Variants in ATP2B1 observed in about 807,000 individuals in gnomAD.
ATP2B1 encodes plasma membrane calcium-transporting ATPase 1.
ATP2B1 carries 14 observed loss-of-function variants against 124.2 expected under a neutral mutation model. That is an observed-to-expected ratio of 0.11 (90% CI 0.07 to 0.18). The LOEUF is 0.18. Among genes scored for constraint, ATP2B1 ranks in the 10% least tolerant of loss-of-function variants. The pLI, the probability that ATP2B1 is intolerant of heterozygous loss-of-function variation, is 1.00. For synonymous variants in ATP2B1, 449 were observed against 492.4 expected (o/e 0.91, Z 1.17); for missense variants, 763 against 1,466.1 (o/e 0.52, Z 7.83).
rs11105357 is a variant in ATP2B1, at chr12:89,647,168, C to T, written c.209-4813G>A. 3.5e-3 allele frequency among the ~76,000 whole-genome samples: 534 copies of T among 152,282 alleles called. 26 individuals carry two copies. The East Asian group carries it at 0.093, about 27-fold the overall frequency. On this transcript the variant is annotated intron_variant, in intron 2 of 20. Coordinates refer to ENST00000428670, the MANE Select transcript of ATP2B1 (RefSeq NM_001366521.1). ...GAAAATATAATGAGAACTCTTCTGCCTAATTGGCTCAGTTAATTGTAGTGT... is the reference window on the plus strand; with the variant it reads ...GAAAATATAATGAGAACTCTTCTGCTTAATTGGCTCAGTTAATTGTAGTGT...
intron 2 of ATP2B1, among the ~76,000 whole-genome samples, chr12:89,655,333 G>A (rs1423668026): frequency 2.0e-5 from 3 of 152,178 alleles, no homozygotes; most frequent in African/African-American, 7.2e-5. Context: ...ATAGTGATCT[G>A]AGAGTTTATT....
intron 1 of ATP2B1, among the ~76,000 whole-genome samples, chr12:89,696,644 C>T (rs891354678): frequency 7.2e-5 from 11 of 152,266 alleles, no homozygotes; most frequent in Admixed American, 1.3e-4. Context: ...TGATTTGTTT[C>T]ACTTTACATT....
intron 20 of ATP2B1, chr12:89,594,766 A>G (rs1043535233): frequency 2.6e-5 from 4 of 152,016 alleles, no homozygotes; most frequent in Non-Finnish European, 5.9e-5. Context: ...TTTTCTAAAT[A>G]CCATCCTAAC....
chr12:89,627,863 C>T, intron 6 of ATP2B1, 147 bp from the exon 7 acceptor site: 1 of 822,694 alleles, frequency 1.2e-6, no homozygotes, highest in Non-Finnish European at 1.9e-6. Flanking sequence ...CTTGTGATGA[C>T]CTGCTGGGTC....
At chr12:89,600,449 C>T (rs531413735) in intron 19 of ATP2B1, among the ~76,000 whole-genome samples, 23 of 152,076 alleles carry the variant, frequency 1.5e-4, no homozygotes, top group African/African-American at 4.8e-4. Context: ...AAGTAAGCTG[C>T]CTATAGTAAA....
chr12:89,663,525 G>GT (rs1348487751), intron 1 of ATP2B1, among the ~76,000 whole-genome samples: 1 of 115,534 alleles, frequency 8.7e-6, no homozygotes, highest in African/African-American at 3.2e-5. Flanking sequence ...AGTTGGCAAG[G>GT]TCTAAATAAT....
At chr12:89,686,143 G>C (rs1033121342) in intron 1 of ATP2B1, among the ~76,000 whole-genome samples, 1 of 151,994 alleles carries the variant, frequency 6.6e-6, no homozygotes, top group Admixed American at 6.6e-5. Context: ...CATTTTTAAA[G>C]AAAGAAAATT....
chr12:89,655,718 A>T lies in ATP2B1; in HGVS notation c.169T>A (p.Tyr57Asn). 2 of 1,614,188 alleles carry T rather than the reference A, an allele frequency of 1.2e-6. No individual in the cohort carries two copies. Among genetic ancestry groups the T allele is most frequent in the South Asian group, 1.1e-5 (1 of 91,084 alleles). The change falls in exon 2 of 21, where the codon TAT becomes AAT. Residue 57 changes from tyrosine to asparagine, a missense_variant. By Grantham distance (143) the Tyr-to-Asn change is moderately radical. Coordinates refer to ENST00000428670, the MANE Select transcript of ATP2B1 (RefSeq NM_001366521.1). ...RKIQESYGDVYGICTKLKTSP... is the reference protein window; with the variant it reads ...RKIQESYGDVNGICTKLKTSP... ...GTTTTCAATTTGGTGCAAATTCCATAGACATCTCCATAGCTTTCCTGTATT... is the reference window on the plus strand; with the variant it reads ...GTTTTCAATTTGGTGCAAATTCCATTGACATCTCCATAGCTTTCCTGTATT...
intron 2 of ATP2B1, among the ~76,000 whole-genome samples, chr12:89,651,251 T>C (rs1207443705): frequency 1.3e-5 from 2 of 152,218 alleles, no homozygotes; most frequent in Admixed American, 6.5e-5. Context: ...AGGAATCACA[T>C]AAATACAATT....
intron 1 of ATP2B1, among the ~76,000 whole-genome samples, chr12:89,701,959 T>TATGC (rs1351359201): frequency 6.6e-6 from 1 of 152,052 alleles, no homozygotes; most frequent in Non-Finnish European, 1.5e-5. Flanking sequence ...AATACTACAG[T>TATGC]ATGCAACACA....
chr12:89,627,066 T>C (rs1394312687), intron 7 of ATP2B1, among the ~76,000 whole-genome samples: 4 of 152,144 alleles, frequency 2.6e-5, no homozygotes, highest in Non-Finnish European at 5.9e-5. Context: ...TTTTTGCTAC[T>C]AACTATATAA....
At chr12:89,617,841 G>A (rs1353544247) in intron 11 of ATP2B1, among the ~76,000 whole-genome samples, 1 of 152,120 alleles carries the variant, frequency 6.6e-6, no homozygotes, top group Admixed American at 6.6e-5. Flanking sequence ...CACTGCCCAT[G>A]TAATGTGCAT....
rs1199207345 is a variant in ATP2B1, at chr12:89,656,062, T to C, written c.-176A>G. 1 of 605,674 alleles carries C rather than the reference T, an allele frequency of 1.7e-6. No homozygotes were observed. Among genetic ancestry groups the C allele is most frequent in the East Asian group, 2.8e-5 (1 of 35,758 alleles). 37.5% of individuals were successfully genotyped at this position (605,674 alleles called of 1,614,324 possible). ...ATTTCCCAGAGAAGTATCTTGACCTTTGGCCCATGACTAGTTTCTCCATAT... is the reference window on the plus strand; with the variant it reads ...ATTTCCCAGAGAAGTATCTTGACCTCTGGCCCATGACTAGTTTCTCCATAT... On this transcript the variant is annotated 5_prime_UTR_variant, in exon 2 of 21. Transcript: ENST00000428670.
intron 8 of ATP2B1, among the ~76,000 whole-genome samples, chr12:89,625,622 AG>A: frequency 6.6e-6 from 1 of 151,780 alleles, no homozygotes; most frequent in East Asian, 1.9e-4. Context: ...AAAGAAAAAA[AG>A]AAAAAAAAAG....
chr12:89,644,023 G>C (rs570810761), intron 2 of ATP2B1, among the ~76,000 whole-genome samples: 4 of 152,304 alleles, frequency 2.6e-5, no homozygotes, highest in African/African-American at 9.6e-5. Context: ...TCAGGAGGCT[G>C]AGGCATGAGA....
intron 1 of ATP2B1, among the ~76,000 whole-genome samples, chr12:89,674,161 T>C (rs73198552): frequency 0.14 from 20,626 of 152,208 alleles, 1,848 homozygotes; most frequent in Non-Finnish European, 0.2. Context: ...ATGGAACTTA[T>C]ATTCCTTTGA....
intron 20 of ATP2B1, 115 bp from the exon 21 acceptor site, chr12:89,591,410 G>A: frequency 1.1e-6 from 1 of 873,354 alleles, no homozygotes; most frequent in Non-Finnish European, 1.7e-6. Context: ...ATATTTGCAT[G>A]TAATGCAGTG....
At position 89,663,475 on chromosome 12, in the gene ATP2B1, C is replaced by T. The variant is rs562459408; in HGVS notation, c.-221-7368G>A. Among the ~76,000 whole-genome samples, 14 of 151,718 alleles carry T rather than the reference C, an allele frequency of 9.2e-5. No individual in the cohort carries two copies. In the South Asian group the frequency reaches 2.9e-3, roughly 32 times the overall value. ...TTGAAAAATAATTTGTTAGGGTTACCCATGCTAAATAAAAATCTGCCAAAT... is the reference window on the plus strand; with the variant it reads ...TTGAAAAATAATTTGTTAGGGTTACTCATGCTAAATAAAAATCTGCCAAAT... On this transcript the variant is annotated intron_variant, in intron 1 of 20. Coordinates refer to ENST00000428670, the MANE Select transcript of ATP2B1 (RefSeq NM_001366521.1).
At chr12:89,656,893 G>A (rs1277107018) in intron 1 of ATP2B1, among the ~76,000 whole-genome samples, 1 of 152,082 alleles carries the variant, frequency 6.6e-6, no homozygotes, top group African/African-American at 2.4e-5. Flanking sequence ...AGTTCTGAGG[G>A]CAGAGTTTGC....
Sources: gnomAD v4.1 joint callset for allele counts (sites outside exome capture counted in the v4.1 genomes callset) on GRCh38, gnomAD v4.1.1 for gene constraint, MANE v1.5 for transcripts, NCBI Gene and HGNC (gene_info 2026-07-23, HGNC 2026-07-21) for gene names.